Variants in RORA observed in about 807,000 individuals in gnomAD.
RORA encodes nuclear receptor ROR-alpha.
RORA carries 7 observed loss-of-function variants against 69.5 expected under a neutral mutation model. The observed-to-expected ratio is 0.10, with a 90% CI of 0.06 to 0.19. The LOEUF is 0.19. RORA is among the 10% of genes least tolerant of loss of function. The pLI is 1.00. For missense variants in RORA, 457 were observed against 663.0 expected (o/e 0.69, Z 3.41); for synonymous variants, 261 against 240.8 (o/e 1.08, Z -0.78).
intron 1 of RORA, among the ~76,000 whole-genome samples, chr15:60,820,547 C>T (rs894769607): frequency 2.0e-5 from 3 of 151,984 alleles, no homozygotes; most frequent in South Asian, 4.1e-4. Flanking sequence ...GGAAAAAAGG[C>T]GCATTCTCTT....
At chr15:60,669,346 TG>T (rs367732629) in intron 2 of RORA, among the ~76,000 whole-genome samples, 27,167 of 144,904 alleles carry the variant, frequency 0.19, 3,279 homozygotes, top group Admixed American at 0.38. Context: ...TTTTTTTGTT[TG>T]TTTGTTTGTT....
intron 1 of RORA, among the ~76,000 whole-genome samples, chr15:60,972,758 C>G (rs1270372843): frequency 6.6e-6 from 1 of 152,132 alleles, no homozygotes; most frequent in Non-Finnish European, 1.5e-5. Context: ...ATATTACTTA[C>G]TACATAGGGA....
chr15:60,995,369 G>A (rs983799210), intron 1 of RORA, among the ~76,000 whole-genome samples: 4 of 152,104 alleles, frequency 2.6e-5, no homozygotes, highest in Non-Finnish European at 4.4e-5. Flanking sequence ...AATGATTCTC[G>A]GCCAGCGCGA....
chr15:60,532,455 A>C (rs16942706), intron 2 of RORA, among the ~76,000 whole-genome samples: 8,760 of 152,248 alleles, frequency 0.058, 846 homozygotes, highest in African/African-American at 0.2. Context: ...AATAATGATG[A>C]ATCCTGACAA....
chr15:60,603,719 T>C (rs1040415759), intron 2 of RORA, among the ~76,000 whole-genome samples: 3 of 152,250 alleles, frequency 2.0e-5, no homozygotes, highest in African/African-American at 4.8e-5. Context: ...AGACAGCTTA[T>C]GTAACACATT....
rs2065070556 is a variant in RORA at position 60,492,884 on chromosome 15, C to G, written c.*4571G>C. 1 of 152,074 alleles carries G rather than the reference C, an allele frequency of 6.6e-6. No individual in the cohort carries two copies. Among genetic ancestry groups the G allele is most frequent in the African/African-American group, 2.4e-5 (1 of 41,408 alleles). 9.4% of individuals were successfully genotyped at this position (152,074 alleles called of 1,614,324 possible). On this transcript the variant is annotated 3_prime_UTR_variant, in exon 11 of 11. Transcript: ENST00000335670. ...CACACACGCAGTTCTATATAGTTCACTTGTGCCTTGGAGGGATAGTATTAT... is the reference window on the plus strand; with the variant it reads ...CACACACGCAGTTCTATATAGTTCAGTTGTGCCTTGGAGGGATAGTATTAT...
At chr15:61,139,992 T>C (rs567942480) in intron 1 of RORA, among the ~76,000 whole-genome samples, 26 of 152,326 alleles carry the variant, frequency 1.7e-4, no homozygotes, top group African/African-American at 6.0e-4. Flanking sequence ...GAGGACACCA[T>C]TTGGCACTTC....
At chr15:60,769,549 G>C (rs1298385451) in intron 1 of RORA, among the ~76,000 whole-genome samples, 1 of 152,140 alleles carries the variant, frequency 6.6e-6, no homozygotes, top group Non-Finnish European at 1.5e-5. Context: ...AACCATCCTT[G>C]AATGTTCTAG....
At chr15:61,079,348 T>C (rs1239750227) in intron 1 of RORA, among the ~76,000 whole-genome samples, 1 of 152,252 alleles carries the variant, frequency 6.6e-6, no homozygotes, top group Non-Finnish European at 1.5e-5. Flanking sequence ...CTTATTTCAT[T>C]GCCAGATCGT....
rs2071782075 is a variant in RORA, at chr15:60,755,245, T to C, written c.167-76559A>G. 4.0e-5 allele frequency among the ~76,000 whole-genome samples: 6 copies of C among 151,432 alleles called. No individual in the cohort carries two copies. In the South Asian group the frequency reaches 1.3e-3, roughly 32 times the overall value. On this transcript the variant is annotated intron_variant, in intron 1 of 10. Transcript: ENST00000335670. ...TAAGAACATGTGGTGTTTGGTTTTT[T>C]GTCCTTGCTATAATTTGCTGAGAAT...
intron 1 of RORA, among the ~76,000 whole-genome samples, chr15:60,711,550 A>G (rs1226560043): frequency 6.6e-6 from 1 of 152,170 alleles, no homozygotes; most frequent in African/African-American, 2.4e-5. Context: ...CACACTGTGA[A>G]CCAGAAGGGT....
intron 1 of RORA, among the ~76,000 whole-genome samples, chr15:60,797,720 C>G (rs893409262): frequency 6.6e-6 from 1 of 152,146 alleles, no homozygotes; most frequent in East Asian, 1.9e-4. Flanking sequence ...TGGTTCCCAC[C>G]AAGACCAGCA....
intron 1 of RORA, among the ~76,000 whole-genome samples, chr15:60,947,165 G>A (rs982388973): frequency 5.3e-5 from 8 of 152,138 alleles, no homozygotes; most frequent in Non-Finnish European, 7.4e-5. Context: ...GAGCCCCTCT[G>A]CCCAGCCGCC....
Position 60,497,366 on chromosome 15 carries a change from C to G in RORA, c.*89G>C. On this transcript the variant is annotated 3_prime_UTR_variant, in exon 11 of 11. Coordinates refer to ENST00000335670, the MANE Select transcript of RORA (RefSeq NM_134261.3). ...CAGTGTGTGGCGCTCCAGGTCTGTG[C>G]AGGGCCATATAAAGTGTCTCGGTTA... 8.8e-7 allele frequency: 1 copy of G among 1,140,032 alleles called. No homozygotes were observed. The highest frequency in any genetic ancestry group is 1.9e-5 in the Admixed American group (1 of 53,348). The allele number at this position is 1,140,032 out of a possible 1,614,324, so 70.6% of individuals were successfully genotyped here.
At chr15:60,674,816 C>A (rs2070529108) in intron 2 of RORA, among the ~76,000 whole-genome samples, 1 of 152,140 alleles carries the variant, frequency 6.6e-6, no homozygotes, top group South Asian at 2.1e-4. Flanking sequence ...TGACTGCTTC[C>A]ACTGAGTAAC....
chr15:60,675,807 T>A (rs1225433843), intron 2 of RORA, among the ~76,000 whole-genome samples: 1 of 152,224 alleles, frequency 6.6e-6, no homozygotes, highest in African/African-American at 2.4e-5. Flanking sequence ...TGTGCACCTC[T>A]GTCTTGTGTA....
At chr15:60,920,911 C>A (rs181900410) in intron 1 of RORA, among the ~76,000 whole-genome samples, 1 of 152,326 alleles carries the variant, frequency 6.6e-6, no homozygotes, top group Admixed American at 6.5e-5. Context: ...ATTAAACTCA[C>A]TTCAAGGAAG....
Position 61,061,457 on chromosome 15 carries a change from T to C in RORA, c.166+167596A>G, listed in dbSNP as rs1293248921. 6.6e-6 allele frequency among the ~76,000 whole-genome samples: 1 copy of C among 152,144 alleles called. No homozygotes were observed. Among genetic ancestry groups the C allele is most frequent in the African/African-American group, 2.4e-5 (1 of 41,428 alleles). ...TAATGCGGCCAGGCATATCTGTTGT[T>C]GCTGACCTGAGAGCTATGGATGCTG... On this transcript the variant is annotated intron_variant, in intron 1 of 10. Coordinates refer to ENST00000335670, the MANE Select transcript of RORA (RefSeq NM_134261.3). The surrounding 1 kb of genome is among the most constrained non-coding windows in gnomAD (Gnocchi z 4.4).
intron 1 of RORA, among the ~76,000 whole-genome samples, chr15:61,216,752 G>A (rs1297176111): frequency 6.6e-6 from 1 of 152,142 alleles, no homozygotes. Context: ...GGCTGATGGG[G>A]CTGAATTTCA....
Sources: allele counts gnomAD v4.1 joint callset (sites outside exome capture counted in the v4.1 genomes callset), GRCh38; gene constraint gnomAD v4.1.1; non-coding constraint Gnocchi (gnomAD v3.1); transcripts MANE v1.5; gene names NCBI Gene and HGNC (gene_info 2026-07-23, HGNC 2026-07-21).